PP2D1: variants seen among roughly 807,000 people sequenced by gnomAD.
The protein encoded by PP2D1 is protein phosphatase 2C like domain containing 1.
A neutral mutation model predicts 30.2 loss-of-function variants in PP2D1; 25 were observed. That is an observed-to-expected ratio of 0.83 (90% confidence interval 0.60 to 1.16). PP2D1 has a LOEUF of 1.16. Among genes scored for constraint, PP2D1 ranks in the 50% most tolerant of loss-of-function variants. PP2D1 has a pLI of 0.00. For missense variants in PP2D1, 760 were observed against 742.4 expected, an observed-to-expected ratio of 1.02 and a Z score of -0.28; for synonymous variants, 260 against 258.9, an observed-to-expected ratio of 1.00 and a Z score of -0.04.
downstream of PP2D1, chr3:19,985,342 T>G (rs1387412799): frequency 1.1e-5 from 15 of 1,352,298 alleles, 1 homozygote; most frequent in Non-Finnish European, 1.5e-5. Context: ...AGAATCACTT[T>G]ATATTTTGGT....
chr3:19,998,023 T>C (rs2125142609), intron 2 of PP2D1, among the ~76,000 whole-genome samples: 1 of 152,086 alleles, frequency 6.6e-6, no homozygotes, highest in African/African-American at 2.4e-5. Context: ...GTTGAAACTC[T>C]GTCTCTACTA....
Position 20,001,284 on chromosome 3 carries a change from T to A in PP2D1, c.836A>T (p.Tyr279Phe). 1 of 1,536,060 alleles carries A rather than the reference T, an allele frequency of 6.5e-7. No homozygotes were observed. Among genetic ancestry groups the A allele is most frequent in the Non-Finnish European group, 8.7e-7 (1 of 1,146,808 alleles). The stretch of plus-strand genomic sequence containing the variant: ...TGCAAAGGCTTTGTGTGTGTCCTCA[T>A]ACTCACACCTCACTGCTTCTGTTTT... The part of the protein sequence containing the change: ...INKTEAVRCE[Y>F]EDTHKAFAKA... The change falls in exon 2 of 3, where the codon TAT (tyrosine) becomes TTT (phenylalanine). Residue 279 changes from tyrosine to phenylalanine, a missense_variant. By Grantham distance (22) the Tyr-to-Phe change is conservative. Around this residue, in one of 3 missense-constraint regions of PP2D1, gnomAD observed 374 missense variants for 388.8 expected, o/e 0.96. Coordinates refer to ENST00000389050, the MANE Select transcript of PP2D1 (RefSeq NM_001252657.2).
chr3:19,987,765 A>T (rs538856504), intron 2 of PP2D1, among the ~76,000 whole-genome samples: 3 of 152,212 alleles, frequency 2.0e-5, no homozygotes, highest in African/African-American at 7.2e-5. Flanking sequence ...CAAAAAAATT[A>T]GTCGGGCGTT....
intron 2 of PP2D1, among the ~76,000 whole-genome samples, chr3:19,991,426 A>C (rs899647310): frequency 6.6e-6 from 1 of 152,182 alleles, no homozygotes; most frequent in African/African-American, 2.4e-5. Flanking sequence ...AAAACAAGAG[A>C]GTTTAAAGAA....
chr3:20,002,586 G>C (rs948466650), intron 1 of PP2D1, among the ~76,000 whole-genome samples: 1 of 152,120 alleles, frequency 6.6e-6, no homozygotes, highest in Non-Finnish European at 1.5e-5. Flanking sequence ...TGTGATGCTG[G>C]TGTCAACAAA....
At chr3:20,010,947 C>G (rs1437673264) in intron 1 of PP2D1, among the ~76,000 whole-genome samples, 2 of 152,170 alleles carry the variant, frequency 1.3e-5, no homozygotes, top group Non-Finnish European at 2.9e-5. Context: ...CAGTGCTGTC[C>G]ATATGCTCAT....
At position 19,994,141 on chromosome 3, in the gene PP2D1, C is replaced by T. The variant is rs1254995574; in HGVS notation, c.1090+6889G>A. On this transcript the variant is annotated intron_variant, in intron 2 of 2. Coordinates refer to ENST00000389050, the MANE Select transcript of PP2D1 (RefSeq NM_001252657.2). ...ATGGCTCACCACAACAAAGCTAGGA[C>T]CCCAGAGGATGATGGCCTCACTGAA... Among the ~76,000 whole-genome samples the T allele has an allele frequency of 4.6e-5, 7 of 152,074 alleles. No homozygotes were observed. In the Middle Eastern group the frequency reaches 0.01, roughly 223 times the overall value.
chr3:19,993,771 G>A (rs1188759140), intron 2 of PP2D1, among the ~76,000 whole-genome samples: 1 of 152,174 alleles, frequency 6.6e-6, no homozygotes, highest in Non-Finnish European at 1.5e-5. Flanking sequence ...ACGGAGTCTC[G>A]CTCTGTCGCC....
intron 2 of PP2D1, among the ~76,000 whole-genome samples, chr3:19,988,214 A>C (rs573519107): frequency 6.6e-6 from 1 of 152,234 alleles, no homozygotes; most frequent in East Asian, 1.9e-4. Context: ...GAACAGAGCC[A>C]TATTTCTCTT....
intron 2 of PP2D1, among the ~76,000 whole-genome samples, chr3:20,000,655 T>C (rs1697238788): frequency 2.0e-5 from 3 of 152,152 alleles, no homozygotes; most frequent in African/African-American, 7.2e-5. Context: ...ACACTAACAA[T>C]GAGCAAACAA....
chr3:20,001,925 G>GGGTAATGT lies in PP2D1; in HGVS notation c.187_194dup (p.Cys66HisfsTer13). 6.5e-7 allele frequency: 1 copy of GGGTAATGT among 1,536,402 alleles called. No individual in the cohort carries two copies. The highest frequency in any genetic ancestry group is 1.4e-5 in the African/African-American group (1 of 73,160). On this transcript the variant is annotated frameshift_variant, in exon 2 of 3. Coordinates refer to ENST00000389050, the MANE Select transcript of PP2D1 (RefSeq NM_001252657.2). LOFTEE classifies it high-confidence loss of function. ...CAATTTCGTGCTTGCATATGGAACAGGGTAATGTGGTCCCTTGCTCATAGA... is the reference window on the plus strand; with the variant it reads ...CAATTTCGTGCTTGCATATGGAACAGGGTAATGTGGTAATGTGGTCCCTTGCTCATAGA...
At chr3:20,011,548 C>CA (rs1265089535) in intron 1 of PP2D1, among the ~76,000 whole-genome samples, 3 of 152,198 alleles carry the variant, frequency 2.0e-5, no homozygotes, top group Admixed American at 6.6e-5. Context: ...CCTATAATCT[C>CA]AGCACTTTGG....
chr3:19,996,117 A>C (rs891557768), intron 2 of PP2D1, among the ~76,000 whole-genome samples: 1 of 152,166 alleles, frequency 6.6e-6, no homozygotes, highest in Non-Finnish European at 1.5e-5. Context: ...CAAGGTAGAC[A>C]CTAAAAAATA....
At chr3:19,989,173 A>G (rs570191588) in intron 2 of PP2D1, among the ~76,000 whole-genome samples, 2 of 151,962 alleles carry the variant, frequency 1.3e-5, no homozygotes, top group East Asian at 3.9e-4. Context: ...GTCTCTACTA[A>G]ATACAAAAAT....
rs558160187 is a variant in PP2D1 at position 19,986,261 on chromosome 3, T to C, written c.1091-79A>G. ...TATCAAAATCTACTGCTAACTTTAGTAAATTCTGTGTTTCAATGCTAAACA... is the reference window on the plus strand; with the variant it reads ...TATCAAAATCTACTGCTAACTTTAGCAAATTCTGTGTTTCAATGCTAAACA... On this transcript the variant is annotated intron_variant, in intron 2 of 2. Transcript: ENST00000389050. 1.5e-5 allele frequency: 16 copies of C among 1,087,524 alleles called. No individual in the cohort carries two copies. In the East Asian group the frequency reaches 2.1e-4, roughly 14 times the overall value. The allele number at this position is 1,087,524 out of a possible 1,614,324, so 67.4% of individuals were successfully genotyped here.
intron 1 of PP2D1, among the ~76,000 whole-genome samples, chr3:20,011,190 T>G (rs982489405): frequency 6.6e-6 from 1 of 152,138 alleles, no homozygotes; most frequent in South Asian, 2.1e-4. Context: ...GCAAAAGAAA[T>G]GGACAGGTAA....
At chr3:20,007,776 A>T (rs1697338113) in intron 1 of PP2D1, 2 of 151,112 alleles carry the variant, frequency 1.3e-5, no homozygotes, top group South Asian at 4.1e-4. Flanking sequence ...CTCAAAAAAA[A>T]AAAAAAAAAA....
intron 1 of PP2D1, among the ~76,000 whole-genome samples, chr3:20,007,627 G>C (rs991592552): frequency 3.3e-5 from 5 of 152,084 alleles, no homozygotes; most frequent in African/African-American, 1.2e-4. Flanking sequence ...AATTAGCCAA[G>C]CGTGGTGGCG....
At chr3:20,002,444 G>A (rs1443194860) in intron 1 of PP2D1, among the ~76,000 whole-genome samples, 1 of 152,170 alleles carries the variant, frequency 6.6e-6, no homozygotes, top group Non-Finnish European at 1.5e-5. Context: ...ATTGCATAAT[G>A]ATGTTTCAGG....
Sources: gnomAD v4.1 joint callset for allele counts (sites outside exome capture counted in the v4.1 genomes callset) on GRCh38, gnomAD v4.1.1 for gene constraint, gnomAD v4.1.1 regional missense constraint, MANE v1.5 for transcripts, NCBI Gene and HGNC (gene_info 2026-07-23, HGNC 2026-07-21) for gene names.